RFX7: variants seen among roughly 807,000 people sequenced by gnomAD.
RFX7 encodes DNA-binding protein RFX7.
In RFX7, 26 loss-of-function variants were observed where a neutral mutation model predicts 111.8. The ratio of observed to expected loss-of-function variants is 0.23; its 90% confidence interval spans 0.17 to 0.32. RFX7 has a LOEUF of 0.32. RFX7 is among the 10% of genes least tolerant of loss of function. The pLI, the probability that RFX7 is intolerant of heterozygous loss-of-function variation, is 1.00. For synonymous variants in RFX7, 624 were observed against 624.4 expected (o/e 1.00, Z 0.01); for missense variants, 1,573 against 1,772.9 (o/e 0.89, Z 2.02).
In RFX7 at chr15:56,093,873, C is replaced by G. The variant is rs748396319; in HGVS notation, c.3855G>C (p.Gln1285His). ...GAAAAACAGTGGAAGGTTCCAAAAT[C>G]TGAGTGAGATTCATCCGGGCTGTAT... The part of the protein sequence containing the change: ...SNYTARMNLT[Q>H]ILEPSTVFPS... Residue 1285 changes from glutamine (Q) to histidine (H), a missense_variant, in exon 10 of 10, where the codon CAG (glutamine) becomes CAC (histidine). By Grantham distance (24) the Gln-to-His change is conservative. Coordinates refer to ENST00000559447, the MANE Select transcript of RFX7 (RefSeq NM_022841.7). The G allele has an allele frequency of 2.5e-6, 4 of 1,613,938 alleles. No homozygotes were observed. The highest frequency in any genetic ancestry group is 1.7e-6 in the Non-Finnish European group (2 of 1,179,868).
intron 3 of RFX7, among the ~76,000 whole-genome samples, chr15:56,164,236 C>A (rs573449497): frequency 1.3e-5 from 2 of 152,154 alleles, no homozygotes; most frequent in Admixed American, 6.5e-5. Context: ...GTGGGCCAAA[C>A]AAAACAATTT....
rs140828561 is a variant in RFX7, at chr15:56,178,166, TACACACACACACACACACACAC to T, written c.195+1082_195+1103del. On this transcript the variant is annotated intron_variant, in intron 3 of 9. Coordinates refer to ENST00000559447, the MANE Select transcript of RFX7 (RefSeq NM_022841.7). ...AAAAAAAACTCGAAAACCAAAAAAC[TACACACACACACACACACACAC>T]ACACACACACACACACACACACAAC... is the stretch of plus-strand genomic sequence containing the variant. 8.8e-3 allele frequency among the ~76,000 whole-genome samples: 1,059 copies of T among 119,670 alleles called. 14 individuals carry two copies. The highest frequency in any genetic ancestry group is 0.034 in the African/African-American group (1,027 of 30,208). 78.5% of individuals were successfully genotyped at this position (119,670 alleles called of 152,430 possible).
chr15:56,144,529 C>T (rs759606920), intron 3 of RFX7, 46 bp from the exon 4 acceptor site: 1 of 1,096,492 alleles, frequency 9.1e-7, no homozygotes, highest in South Asian at 1.3e-5. Flanking sequence ...AAAAAACACT[C>T]ATTTTTCCCC....
At chr15:56,184,347 T>C (rs375193230) in intron 2 of RFX7, among the ~76,000 whole-genome samples, 4 of 151,872 alleles carry the variant, frequency 2.6e-5, no homozygotes, top group Non-Finnish European at 5.9e-5. Context: ...ACAGTTCTAA[T>C]AGTATGTAGA....
At chr15:56,201,904 G>A (rs918388583) in intron 2 of RFX7, among the ~76,000 whole-genome samples, 4 of 152,060 alleles carry the variant, frequency 2.6e-5, no homozygotes, top group East Asian at 3.9e-4. Context: ...GGTGGCGGGC[G>A]CCTATAGTCC....
chr15:56,187,040 T>C (rs1414005916), intron 2 of RFX7, among the ~76,000 whole-genome samples: 2 of 152,192 alleles, frequency 1.3e-5, no homozygotes, highest in Non-Finnish European at 2.9e-5. Flanking sequence ...AATGCTTCAG[T>C]GTTCTGCTTC....
chr15:56,149,317 T>C (rs1483935865), intron 3 of RFX7, among the ~76,000 whole-genome samples: 1 of 152,204 alleles, frequency 6.6e-6, no homozygotes, highest in Non-Finnish European at 1.5e-5. Context: ...TACAACATCA[T>C]AGATTAGCCC....
At chr15:56,236,853 C>T (rs1310785274) in intron 2 of RFX7, among the ~76,000 whole-genome samples, 1 of 152,194 alleles carries the variant, frequency 6.6e-6, no homozygotes, top group Non-Finnish European at 1.5e-5. Context: ...TCCCCAACAA[C>T]CAGGATTACT....
At chr15:56,212,402 C>G (rs2043321608) in intron 2 of RFX7, among the ~76,000 whole-genome samples, 1 of 152,176 alleles carries the variant, frequency 6.6e-6, no homozygotes. Context: ...GGTAGTAAGC[C>G]TACTCTTTAT....
Position 56,224,698 on chromosome 15 carries a change from G to T in RFX7, c.161+18427C>A, listed in dbSNP as rs376610641. On this transcript the variant is annotated intron_variant, in intron 2 of 9. Transcript: ENST00000559447. Reference sequence around the variant, plus strand: ...GAAAAAAACACCTAAGTTTTTTTGGGGGTTTTCATTATAAGTAGTAACTTC... The same window carrying T: ...GAAAAAAACACCTAAGTTTTTTTGGTGGTTTTCATTATAAGTAGTAACTTC... 1.3e-5 allele frequency among the ~76,000 whole-genome samples: 2 copies of T among 151,370 alleles called. 1 individual carries two copies.
chr15:56,234,109 G>A (rs2043597510), intron 2 of RFX7, among the ~76,000 whole-genome samples: 1 of 152,068 alleles, frequency 6.6e-6, no homozygotes, highest in Admixed American at 6.5e-5. Context: ...CCTGAATTTT[G>A]TCAGTAAAAA....
chr15:56,237,260 T>G (rs562584262), intron 2 of RFX7, among the ~76,000 whole-genome samples: 62 of 152,260 alleles, frequency 4.1e-4, no homozygotes, highest in African/African-American at 1.4e-3. Flanking sequence ...CTTTTCCTGG[T>G]CCCCTAACTG....
chr15:56,156,893 T>C (rs1191817910), intron 3 of RFX7, among the ~76,000 whole-genome samples: 1 of 152,200 alleles, frequency 6.6e-6, no homozygotes, highest in African/African-American at 2.4e-5. Context: ...CTTAGTGAGC[T>C]TGTTAAAACA....
At chr15:56,139,592 G>A (rs1338422694) in intron 5 of RFX7, among the ~76,000 whole-genome samples, 6 of 151,876 alleles carry the variant, frequency 4.0e-5, no homozygotes, top group Admixed American at 6.6e-5. Flanking sequence ...TAATTTGATC[G>A]TCTGAAGCCT....
intron 3 of RFX7, among the ~76,000 whole-genome samples, chr15:56,151,165 C>G (rs1240156576): frequency 6.6e-6 from 1 of 152,142 alleles, no homozygotes; most frequent in Admixed American, 6.5e-5. Context: ...ACTTCTCCAA[C>G]CGAGCAAGAC....
At chr15:56,230,368 C>T (rs1456014694) in intron 2 of RFX7, among the ~76,000 whole-genome samples, 2 of 152,292 alleles carry the variant, frequency 1.3e-5, no homozygotes, top group Non-Finnish European at 2.9e-5. Context: ...ATTGGGAAAA[C>T]TGAAACTCTC....
intron 5 of RFX7, among the ~76,000 whole-genome samples, chr15:56,133,185 G>T (rs2042241760): frequency 6.6e-6 from 1 of 151,956 alleles, no homozygotes; most frequent in Admixed American, 6.6e-5. Context: ...ATGAATATTA[G>T]AATTCAAAAA....
At chr15:56,188,944 T>C (rs1474294471) in intron 2 of RFX7, among the ~76,000 whole-genome samples, 1 of 152,200 alleles carries the variant, frequency 6.6e-6, no homozygotes, top group African/African-American at 2.4e-5. Context: ...GTGATTCTCC[T>C]GCCTCAGCCT....
intron 5 of RFX7, among the ~76,000 whole-genome samples, chr15:56,142,124 A>G (rs1485366804): frequency 6.6e-6 from 1 of 152,164 alleles, no homozygotes; most frequent in African/African-American, 2.4e-5. Flanking sequence ...CTCTGCTGGA[A>G]TAAATTCCTC....
Sources: allele counts gnomAD v4.1 joint callset (sites outside exome capture counted in the v4.1 genomes callset), GRCh38; gene constraint gnomAD v4.1.1; transcripts MANE v1.5; gene names NCBI Gene and HGNC (gene_info 2026-07-23, HGNC 2026-07-21).